EFCAB6: variants seen among roughly 807,000 people sequenced by gnomAD.
EFCAB6 encodes the protein EF-hand calcium-binding domain-containing protein 6.
Under a neutral mutation model 169.8 loss-of-function variants are expected in EFCAB6, and 156 were observed. The ratio of observed to expected loss-of-function variants is 0.92; its 90% confidence interval spans 0.81 to 1.05. The LOEUF (loss-of-function observed/expected upper bound fraction) is 1.05, where lower values mean the gene tolerates loss of function less well. Ranked by LOEUF, EFCAB6 falls within the 50% of genes least tolerant of loss-of-function variation. EFCAB6 has a pLI of 0.00. For missense variants in EFCAB6, 1,800 were observed against 1,829.1 expected, an observed-to-expected ratio of 0.98 and a Z score of 0.29; for synonymous variants, 698 against 676.4, an observed-to-expected ratio of 1.03 and a Z score of -0.50.
chr22:43,746,443 C>T (rs2060566554), intron 6 of EFCAB6, among the ~76,000 whole-genome samples: 1 of 152,304 alleles, frequency 6.6e-6, no homozygotes, highest in East Asian at 1.9e-4. Context: ...GAGGGAAACT[C>T]GTGCTTATAT....
At chr22:43,728,564 C>A (rs1365527947) in intron 8 of EFCAB6, among the ~76,000 whole-genome samples, 1 of 152,202 alleles carries the variant, frequency 6.6e-6, no homozygotes, top group African/African-American at 2.4e-5. Context: ...CTCATCCTCT[C>A]CAGCATCTGT....
intron 5 of EFCAB6, among the ~76,000 whole-genome samples, chr22:43,762,245 T>C (rs1285032044): frequency 6.6e-6 from 1 of 152,216 alleles, no homozygotes; most frequent in African/African-American, 2.4e-5. Flanking sequence ...AAGGTTTATA[T>C]TTGTAATCAC....
intron 6 of EFCAB6, among the ~76,000 whole-genome samples, chr22:43,737,729 T>TCA (rs151256302): frequency 2.2e-5 from 3 of 136,624 alleles, no homozygotes; most frequent in Admixed American, 7.3e-5. Flanking sequence ...ACACATATAT[T>TCA]CACACACACA....
intron 26 of EFCAB6, 65 bp from the exon 27 acceptor site, chr22:43,555,161 C>A: frequency 6.5e-7 from 1 of 1,542,528 alleles, no homozygotes; most frequent in African/African-American, 1.4e-5. Flanking sequence ...GCTCTGGGCT[C>A]CTCACCCAGG....
chr22:43,700,269 C>T (rs2058721368), intron 10 of EFCAB6, among the ~76,000 whole-genome samples: 1 of 151,912 alleles, frequency 6.6e-6, no homozygotes, highest in African/African-American at 2.4e-5. Flanking sequence ...AAAATTTAAG[C>T]CCTAGATATT....
chr22:43,688,850 G>A (rs1451687146), intron 10 of EFCAB6, among the ~76,000 whole-genome samples: 4 of 152,342 alleles, frequency 2.6e-5, no homozygotes, highest in Non-Finnish European at 5.9e-5. Flanking sequence ...ATTGATGTGA[G>A]ATCTCAAAGT....
chr22:43,531,001 T>C lies in EFCAB6; in HGVS notation c.4234-37A>G, dbSNP rs2047026120. 1.9e-6 allele frequency: 3 copies of C among 1,612,658 alleles called. No homozygotes were observed. The East Asian group carries it at 6.7e-5, about 36-fold the overall frequency. ...ACAAGAAGGGGTGAGGAGGGAGCTT[T>C]TGAACACGAGGGTTGGGGTGGGCTC... On this transcript the variant is annotated intron_variant, in intron 30 of 31. Transcript: ENST00000262726.
chr22:43,564,279 C>T (rs1304787995), intron 26 of EFCAB6, among the ~76,000 whole-genome samples: 1 of 151,478 alleles, frequency 6.6e-6, no homozygotes. Flanking sequence ...GAAACCCCAT[C>T]TCTACAAAAA....
At chr22:43,620,103 A>G (rs1284148493) in intron 20 of EFCAB6, among the ~76,000 whole-genome samples, 1 of 152,136 alleles carries the variant, frequency 6.6e-6, no homozygotes, top group African/African-American at 2.4e-5. Flanking sequence ...GGATTGCTTG[A>G]ACTCAGGAGT....
intron 27 of EFCAB6, 187 bp from the exon 28 acceptor site, chr22:43,540,544 C>T: frequency 6.6e-7 from 1 of 1,523,522 alleles, no homozygotes; most frequent in Non-Finnish European, 8.8e-7. Flanking sequence ...CAGGAAGACT[C>T]TGGAAAAGCA....
chr22:43,627,963 C>T (rs958453352), intron 19 of EFCAB6, among the ~76,000 whole-genome samples: 1 of 152,176 alleles, frequency 6.6e-6, no homozygotes, highest in Admixed American at 6.5e-5. Flanking sequence ...CCCCTGCCTC[C>T]GGAAGACAAT....
chr22:43,657,776 C>T (rs911832109), intron 17 of EFCAB6, among the ~76,000 whole-genome samples: 2 of 152,064 alleles, frequency 1.3e-5, no homozygotes, highest in African/African-American at 4.8e-5. Flanking sequence ...ATGTAAAATG[C>T]ATATACAACA....
At chr22:43,665,039 A>T (rs1310693581) in intron 17 of EFCAB6, among the ~76,000 whole-genome samples, 9 of 152,166 alleles carry the variant, frequency 5.9e-5, no homozygotes, top group Non-Finnish European at 1.5e-5. Context: ...TGTGGGTACA[A>T]GAGGAAGAGG....
In EFCAB6 at chr22:43,590,120, A is replaced by G. The variant is rs1376292425; in HGVS notation, c.2986T>C (p.Cys996Arg). 13 of 1,614,160 alleles carry G rather than the reference A, an allele frequency of 8.1e-6. No individual in the cohort carries two copies. Among genetic ancestry groups the G allele is most frequent in the Non-Finnish European group, 1.0e-5 (12 of 1,180,012 alleles). Reference sequence around the variant, plus strand: ...TCCCCTTCGGTAAGAGAACATCCACATTCTTCCAGCACTTCCTGCATCTTG... The same window carrying G: ...TCCCCTTCGGTAAGAGAACATCCACGTTCTTCCAGCACTTCCTGCATCTTG... ...ICKMQEVLEE[C>R]GCSLTEGELT... The change falls in exon 24 of 32, where the codon TGT becomes CGT. Residue 996 changes from cysteine (C) to arginine (R), a missense_variant. Physicochemically the swap from Cys to Arg is radical, Grantham distance 180. Coordinates refer to ENST00000262726, the MANE Select transcript of EFCAB6 (RefSeq NM_022785.4).
In EFCAB6 at chr22:43,667,229, T is replaced by A; in HGVS notation, c.1858A>T (p.Thr620Ser). The change falls in exon 17 of 32, where the codon ACC becomes TCC. Residue 620 changes from threonine (T) to serine (S), a missense_variant. Physicochemically the swap from Thr to Ser is moderately conservative, Grantham distance 58. Coordinates refer to ENST00000262726, the MANE Select transcript of EFCAB6 (RefSeq NM_022785.4). ...AATTTTTCAATCACTTCTTCTGTGG[T>A]CATCTTCTTGGTCAGGGTGGTTTTA... ...EDKTTLTKKM[T>S]TEEVIEKFKK... 1 of 1,614,124 alleles carries A rather than the reference T, an allele frequency of 6.2e-7. No individual in the cohort carries two copies. Among genetic ancestry groups the A allele is most frequent in the East Asian group, 2.2e-5 (1 of 44,884 alleles).
At chr22:43,643,167 C>T (rs932152780) in intron 17 of EFCAB6, among the ~76,000 whole-genome samples, 2 of 152,234 alleles carry the variant, frequency 1.3e-5, no homozygotes, top group African/African-American at 4.8e-5. Context: ...GACTGAATGA[C>T]TTCCATCCCT....
At chr22:43,568,726 T>C (rs1463908756) in intron 26 of EFCAB6, among the ~76,000 whole-genome samples, 1 of 152,146 alleles carries the variant, frequency 6.6e-6, no homozygotes, top group East Asian at 1.9e-4. Context: ...GTGTGCTGCA[T>C]AGGGCTGGGG....
intron 20 of EFCAB6, among the ~76,000 whole-genome samples, chr22:43,625,835 C>T (rs1259946717): frequency 6.6e-6 from 1 of 152,224 alleles, no homozygotes; most frequent in Non-Finnish European, 1.5e-5. Flanking sequence ...GCATCAGTTC[C>T]CGAAGAAGAA....
chr22:43,692,726 A>G (rs1375495590), intron 10 of EFCAB6, among the ~76,000 whole-genome samples: 1 of 152,192 alleles, frequency 6.6e-6, no homozygotes, highest in Non-Finnish European at 1.5e-5. Flanking sequence ...TCAAATGAGT[A>G]GACTTAAAAA....
Sources: gnomAD v4.1 joint callset for allele counts (sites outside exome capture counted in the v4.1 genomes callset) on GRCh38, gnomAD v4.1.1 for gene constraint, MANE v1.5 for transcripts, NCBI Gene and HGNC (gene_info 2026-07-23, HGNC 2026-07-21) for gene names.